The following ZNF365 variants were observed in gnomAD, a reference collection of about 807,000 sequenced individuals.
The protein encoded by ZNF365 is zinc finger protein 365, also known as protein ZNF365.
A neutral mutation model predicts 35.0 loss-of-function variants in ZNF365; 22 were observed. That is an observed-to-expected ratio of 0.63 (90% CI 0.45 to 0.90). The LOEUF is 0.90. ZNF365 is among the 40% of genes least tolerant of loss of function. The pLI is 0.00. For synonymous variants in ZNF365, 188 were observed against 196.2 expected (o/e 0.96, Z 0.35); for missense variants, 448 against 500.3 (o/e 0.90, Z 1.00).
chr10:62,445,434 C>T (rs528957490), intron 3 of ZNF365, among the ~76,000 whole-genome samples: 2 of 152,146 alleles, frequency 1.3e-5, no homozygotes, highest in South Asian at 2.1e-4. Flanking sequence ...CTCTCCAGCA[C>T]CTGTTGTTTC....
chr10:62,423,708 T>G lies in ZNF365; in HGVS notation c.924+35132T>G, dbSNP rs1408938830. On this transcript the variant is annotated intron_variant, in intron 3 of 4. Coordinates refer to the ZNF365 transcript ENST00000395255. ...GTAAATCAAATTTAATGATGATTTTTCCATTTTATAATAGGGATTAGGGTT... is the reference window on the plus strand; with the variant it reads ...GTAAATCAAATTTAATGATGATTTTGCCATTTTATAATAGGGATTAGGGTT... 2.6e-5 allele frequency among the ~76,000 whole-genome samples: 4 copies of G among 152,192 alleles called. No homozygotes were observed. The East Asian group carries it at 7.7e-4, about 29-fold the overall frequency.
intron 4 of ZNF365, among the ~76,000 whole-genome samples, chr10:62,467,666 C>G (rs1840966841): frequency 6.6e-6 from 1 of 152,148 alleles, no homozygotes; most frequent in Non-Finnish European, 1.5e-5. Context: ...CTGGCCTGGA[C>G]TTAATGGAAT....
At chr10:62,464,155 T>A (rs1324155895) in intron 4 of ZNF365, among the ~76,000 whole-genome samples, 1 of 152,226 alleles carries the variant, frequency 6.6e-6, no homozygotes. Context: ...TTATAATGAC[T>A]TTGGGACTCA....
intron 3 of ZNF365, among the ~76,000 whole-genome samples, chr10:62,453,266 T>C (rs7087514): frequency 0.92 from 140,534 of 152,220 alleles, 65,214 homozygotes; most frequent in East Asian, 1. Context: ...AGTAATTTCT[T>C]ACCATCCACA....
At chr10:62,374,982 G>T (rs981263903) in intron 1 of ZNF365, among the ~76,000 whole-genome samples, 2 of 152,158 alleles carry the variant, frequency 1.3e-5, no homozygotes, top group Non-Finnish European at 2.9e-5. Context: ...TCCCCTCTCT[G>T]GGGGCCGGGG....
Position 62,376,510 on chromosome 10 carries a change from A to G in ZNF365, c.317A>G (p.His106Arg), listed in dbSNP as rs756907776. The change falls in exon 2 of 5, where the codon CAT becomes CGT. Residue 106 changes from histidine to arginine, a missense_variant. His to Arg is a conservative substitution (Grantham distance 29). This residue lies in a region of ZNF365 where 10 missense variants were observed against 27.9 expected (regional missense o/e 0.36). Coordinates refer to ENST00000395254, the MANE Select transcript of ZNF365 (RefSeq NM_014951.3). Reference protein sequence around the residue: ...PSYVNLYSISHEHSKDRKPFE... With the variant: ...PSYVNLYSISREHSKDRKPFE... ...TATGTTAACTTGTACAGCATTTCAC[A>G]TGAACATTCCAAGGACAGGAAGCCA... 2 of 1,614,050 alleles carry G rather than the reference A, an allele frequency of 1.2e-6. No homozygotes were observed. Among genetic ancestry groups the G allele is most frequent in the African/African-American group, 1.3e-5 (1 of 74,944 alleles).
intron 3 of ZNF365, among the ~76,000 whole-genome samples, chr10:62,450,339 T>C (rs1840660595): frequency 6.6e-6 from 1 of 152,202 alleles, no homozygotes; most frequent in East Asian, 1.9e-4. Context: ...TAAGTACTAT[T>C]ATTGTCCCAA....
chr10:62,422,888 C>G (rs1840195777), intron 3 of ZNF365, among the ~76,000 whole-genome samples: 1 of 152,142 alleles, frequency 6.6e-6, no homozygotes, highest in Non-Finnish European at 1.5e-5. Context: ...GTACCTGGCA[C>G]AGACTCCCTT....
chr10:62,399,483 C>A, intron 4 of ZNF365, 45 bp from the exon 5 acceptor site: 1 of 1,593,274 alleles, frequency 6.3e-7, no homozygotes, highest in Non-Finnish European at 8.6e-7. Flanking sequence ...AGAAATCTTT[C>A]TTTCTGCTCA....
At chr10:62,449,600 A>T (rs1041361463) in intron 3 of ZNF365, among the ~76,000 whole-genome samples, 14 of 152,188 alleles carry the variant, frequency 9.2e-5, no homozygotes, top group Non-Finnish European at 1.6e-4. Context: ...TATTTGAATT[A>T]AAAAAATTCT....
At chr10:62,473,746 T>C (rs1841082815) in intron 4 of ZNF365, among the ~76,000 whole-genome samples, 1 of 152,120 alleles carries the variant, frequency 6.6e-6, no homozygotes, top group African/African-American at 2.4e-5. Flanking sequence ...TGTTAGTGTA[T>C]CGATTAGAAT....
chr10:62,395,514 T>C (rs1839710254), intron 3 of ZNF365, among the ~76,000 whole-genome samples: 1 of 144,588 alleles, frequency 6.9e-6, no homozygotes, highest in South Asian at 2.2e-4. Flanking sequence ...ATTTTTTTTT[T>C]TTTTTTTTTT....
chr10:62,460,630 T>C (rs930078998), intron 4 of ZNF365, among the ~76,000 whole-genome samples: 2 of 152,086 alleles, frequency 1.3e-5, no homozygotes, highest in Non-Finnish European at 2.9e-5. Context: ...TAGAAAATGG[T>C]AATATGAGAC....
intron 3 of ZNF365, among the ~76,000 whole-genome samples, chr10:62,417,907 A>G (rs1376752003): frequency 6.6e-6 from 1 of 152,046 alleles, no homozygotes; most frequent in Non-Finnish European, 1.5e-5. Flanking sequence ...AAAGGAAGCA[A>G]TGAAGTGATA....
intron 4 of ZNF365, among the ~76,000 whole-genome samples, chr10:62,463,886 A>G (rs1840888039): frequency 6.6e-6 from 1 of 151,630 alleles, no homozygotes; most frequent in African/African-American, 2.4e-5. Context: ...TCTACTACCA[A>G]CTAACAGGTC....
chr10:62,449,029 G>A (rs1030406469), intron 3 of ZNF365, among the ~76,000 whole-genome samples: 1 of 152,166 alleles, frequency 6.6e-6, no homozygotes, highest in African/African-American at 2.4e-5. Flanking sequence ...GTTGAAAAAT[G>A]CCAAAATGGA....
intron 3 of ZNF365, among the ~76,000 whole-genome samples, chr10:62,392,035 C>T (rs1839639827): frequency 6.6e-6 from 1 of 152,114 alleles, no homozygotes; most frequent in African/African-American, 2.4e-5. Flanking sequence ...GTTTGTTGGC[C>T]ATTTGTATAT....
At chr10:62,455,145 G>A (rs1840742924) in intron 3 of ZNF365, among the ~76,000 whole-genome samples, 1 of 152,168 alleles carries the variant, frequency 6.6e-6, no homozygotes, top group Non-Finnish European at 1.5e-5. Flanking sequence ...ACGCTGACAG[G>A]TTTTAAGCAG....
chr10:62,450,276 T>C (rs1840659098), intron 3 of ZNF365, among the ~76,000 whole-genome samples: 1 of 152,336 alleles, frequency 6.6e-6, no homozygotes, highest in Admixed American at 6.5e-5. Context: ...CTAAGTACTG[T>C]GCAAAGCACT....
Sources: allele counts gnomAD v4.1 joint callset (sites outside exome capture counted in the v4.1 genomes callset), GRCh38; gene constraint gnomAD v4.1.1; regional missense constraint gnomAD v4.1.1; transcripts MANE v1.5; gene names NCBI Gene and HGNC (gene_info 2026-07-23, HGNC 2026-07-21).